The following FTCDNL1 variants were observed in gnomAD, a reference collection of about 807,000 sequenced individuals.
The protein encoded by FTCDNL1 is formiminotransferase cyclodeaminase N-terminal like.
A neutral mutation model predicts 5.9 loss-of-function variants in FTCDNL1; 11 were observed. The observed-to-expected ratio is 1.87, with a 90% CI of 1.18 to 3.10. The LOEUF (loss-of-function observed/expected upper bound fraction) is 3.10. FTCDNL1 is among the 30% of genes most tolerant of loss of function. FTCDNL1 has a pLI of 0.00. For synonymous variants in FTCDNL1, 58 were observed against 24.8 expected (o/e 2.34, Z -3.99); for missense variants, 115 against 65.5 (o/e 1.76, Z -2.61).
At chr2:199,720,284 C>T in the FTCDNL1 span, among the ~76,000 whole-genome samples, 5 of 152,116 alleles carry the variant, frequency 3.3e-5, no homozygotes, top group Non-Finnish European at 7.4e-5. Context: ...CCTATTGAAG[C>T]TGTTCTTTAG....
chr2:199,737,689 G>A, the FTCDNL1 span, among the ~76,000 whole-genome samples: 1 of 152,172 alleles, frequency 6.6e-6, no homozygotes, highest in African/African-American at 2.4e-5. Context: ...TGGCTTCATA[G>A]GCTCATAGGT....
At chr2:199,696,829 G>A in the FTCDNL1 span, among the ~76,000 whole-genome samples, 1 of 152,152 alleles carries the variant, frequency 6.6e-6, no homozygotes, top group Non-Finnish European at 1.5e-5. Flanking sequence ...GATAGATGTA[G>A]AATTCAGAAT....
intron 3 of FTCDNL1, among the ~76,000 whole-genome samples, chr2:199,794,530 T>C (rs1020546617): frequency 1.3e-5 from 2 of 152,320 alleles, no homozygotes; most frequent in African/African-American, 2.4e-5. Flanking sequence ...ACTCAGCCAT[T>C]CTCATTAAAT....
chr2:199,707,471 A>G, the FTCDNL1 span, among the ~76,000 whole-genome samples: 1 of 152,238 alleles, frequency 6.6e-6, no homozygotes, highest in Non-Finnish European at 1.5e-5. Context: ...AAAGTTGGGC[A>G]TAATATTTCA....
chr2:199,665,330 G>A, the FTCDNL1 span, among the ~76,000 whole-genome samples: 1 of 152,048 alleles, frequency 6.6e-6, no homozygotes, highest in African/African-American at 2.4e-5. Flanking sequence ...CTATCCCCAG[G>A]GAAATGAAAG....
At chr2:199,700,181 T>C in the FTCDNL1 span, among the ~76,000 whole-genome samples, 1 of 152,208 alleles carries the variant, frequency 6.6e-6, no homozygotes. Context: ...CTCCTAGATC[T>C]GATAAACAAT....
intron 3 of FTCDNL1, among the ~76,000 whole-genome samples, chr2:199,827,869 T>C (rs527815444): frequency 6.6e-6 from 1 of 152,158 alleles, no homozygotes; most frequent in Non-Finnish European, 1.5e-5. Context: ...CTAGGAATGC[T>C]CCCATATTTT....
the FTCDNL1 span, among the ~76,000 whole-genome samples, chr2:199,741,531 A>T: frequency 1.3e-5 from 2 of 152,184 alleles, no homozygotes; most frequent in African/African-American, 2.4e-5. Flanking sequence ...ATTTCAGAAT[A>T]ATTATTATAC....
chr2:199,835,010 CA>C (rs79726610), intron 3 of FTCDNL1, among the ~76,000 whole-genome samples: 1 of 148,704 alleles, frequency 6.7e-6, no homozygotes, highest in Non-Finnish European at 1.5e-5. Context: ...CCTGTCTCTA[CA>C]AAAAAAAAAT....
chr2:199,723,983 G>C, the FTCDNL1 span, among the ~76,000 whole-genome samples: 1 of 152,092 alleles, frequency 6.6e-6, no homozygotes, highest in African/African-American at 2.4e-5. Flanking sequence ...TTGCACCTCT[G>C]GCAGAATTTA....
At chr2:199,701,417 A>T in the FTCDNL1 span, among the ~76,000 whole-genome samples, 8 of 151,242 alleles carry the variant, frequency 5.3e-5, no homozygotes, top group African/African-American at 2.0e-4. Context: ...GGGAATGTAA[A>T]TTAGTTCAGC....
chr2:199,665,937 T>C, the FTCDNL1 span, among the ~76,000 whole-genome samples: 48 of 152,288 alleles, frequency 3.2e-4, no homozygotes, highest in African/African-American at 1.1e-3. Context: ...CCTATTTTTT[T>C]CTAATGTGAT....
chr2:199,688,155 C>T, the FTCDNL1 span, among the ~76,000 whole-genome samples: 1 of 147,794 alleles, frequency 6.8e-6, no homozygotes, highest in African/African-American at 2.5e-5. Context: ...TCGCTTCAAC[C>T]TTGGATCAGA....
chr2:199,775,979 T>C, intron 3 of FTCDNL1, among the ~76,000 whole-genome samples: 1 of 149,490 alleles, frequency 6.7e-6, no homozygotes, highest in East Asian at 2.0e-4. Flanking sequence ...AGTGGCGCGA[T>C]ATCAGCTCAC....
At chr2:199,717,690 A>G in the FTCDNL1 span, among the ~76,000 whole-genome samples, 2 of 151,902 alleles carry the variant, frequency 1.3e-5, no homozygotes, top group African/African-American at 2.4e-5. Flanking sequence ...ACTGGTCAGC[A>G]TTGGCTCCTT....
the FTCDNL1 span, among the ~76,000 whole-genome samples, chr2:199,728,052 G>A: frequency 4.6e-5 from 7 of 152,004 alleles, no homozygotes; most frequent in African/African-American, 1.5e-4. Flanking sequence ...TTTTATCCTG[G>A]GATCTTATTA....
chr2:199,712,010 C>T, the FTCDNL1 span, among the ~76,000 whole-genome samples: 7 of 152,050 alleles, frequency 4.6e-5, no homozygotes, highest in Non-Finnish European at 5.9e-5. Flanking sequence ...ATGATGTAGA[C>T]CAGATAGGAG....
chr2:199,838,807 C>T (rs1702936052), intron 3 of FTCDNL1, among the ~76,000 whole-genome samples: 1 of 152,242 alleles, frequency 6.6e-6, no homozygotes, highest in Non-Finnish European at 1.5e-5. Context: ...AATATGGACA[C>T]AGCTGAGGGC....
intron 3 of FTCDNL1, among the ~76,000 whole-genome samples, chr2:199,840,806 G>A (rs2076564489): frequency 6.6e-6 from 1 of 151,924 alleles, no homozygotes; most frequent in Non-Finnish European, 1.5e-5. Context: ...CAAATAGAAA[G>A]AGAGGGAAGG....
Sources: allele counts gnomAD v4.1 joint callset (sites outside exome capture counted in the v4.1 genomes callset), GRCh38; gene constraint gnomAD v4.1.1; transcripts MANE v1.5; gene names NCBI Gene and HGNC (gene_info 2026-07-23, HGNC 2026-07-21).